Variants in SYNE1 observed in about 807,000 individuals in gnomAD.
SYNE1 encodes the protein spectrin repeat containing nuclear envelope protein 1.
A neutral mutation model predicts 1,111.0 loss-of-function variants in SYNE1; 616 were observed. The ratio of observed to expected loss-of-function variants is 0.55; its 90% CI spans 0.52 to 0.59. The LOEUF (loss-of-function observed/expected upper bound fraction) is 0.59. Among genes scored for constraint, SYNE1 ranks in the 20% least tolerant of loss-of-function variants. The probability of loss-of-function intolerance (pLI) is 0.00; values close to 1 mark genes in which losing one functional copy is unlikely to be tolerated. For missense variants in SYNE1, 10,006 were observed against 10,417.0 expected (o/e 0.96, Z 1.72); for synonymous variants, 3,855 against 3,825.8 (o/e 1.01, Z -0.28).
At chr6:152,629,282 G>C (rs1419835403) in intron 2 of SYNE1, among the ~76,000 whole-genome samples, 1 of 151,938 alleles carries the variant, frequency 6.6e-6, no homozygotes, top group African/African-American at 2.4e-5. Context: ...CGTGATCTCA[G>C]CAAGCTCCAC....
intron 3 of SYNE1, among the ~76,000 whole-genome samples, chr6:152,616,520 G>A (rs867845143): frequency 1.3e-5 from 2 of 152,240 alleles, no homozygotes; most frequent in African/African-American, 4.8e-5. Flanking sequence ...AGGCTGCAGT[G>A]AGCTGTGATT....
chr6:152,619,046 T>TCTCACACA lies in SYNE1; in HGVS notation c.67+9218_67+9219insTGTGTGAG, dbSNP rs369313606. 6.0e-3 allele frequency among the ~76,000 whole-genome samples: 808 copies of TCTCACACA among 135,776 alleles called. 4 individuals are homozygous for TCTCACACA. Among genetic ancestry groups the TCTCACACA allele is most frequent in the East Asian group, 0.015 (68 of 4,420 alleles). The allele number at this position is 135,776 out of a possible 152,430, so 89.1% of individuals were successfully genotyped here. A position where few individuals can be genotyped will look rare whatever the true frequency, so the allele number is the denominator to read the frequency against. ...GAAACTAGGTATTTAGGTGTGAGAA[T>TCTCACACA]CACACACACACACACACACACACAC... On this transcript the variant is annotated intron_variant, in intron 3 of 145. Coordinates refer to ENST00000367255, the MANE Select transcript of SYNE1 (RefSeq NM_182961.4).
chr6:152,418,003 T>C (rs1401108551), intron 40 of SYNE1, among the ~76,000 whole-genome samples: 4 of 152,212 alleles, frequency 2.6e-5, no homozygotes, highest in African/African-American at 9.6e-5. Flanking sequence ...AGCAGAAAAT[T>C]GGCAACATTC....
rs58905396 is a variant in SYNE1 at position 152,390,294 on chromosome 6, G to T, written c.8163C>A (p.Ser2721=). 6.2e-7 allele frequency: 1 copy of T among 1,613,910 alleles called. No individual in the cohort carries two copies. The highest frequency in any genetic ancestry group is 1.3e-5 in the African/African-American group (1 of 74,964). The change falls in exon 53 of 146, where the codon TCC becomes TCA. Residue 2721 remains serine, a synonymous_variant. Transcript: ENST00000367255. The stretch of plus-strand genomic sequence containing the variant: ...AGGTTCTGTACCTTTGAGCGTGGAC[G>T]GAGGAGCTCATGATGTCAGCCCACA... The part of the protein sequence containing the change: ...KEVWADIMSS[S]VHAQSTLESV...
At chr6:152,262,357 A>G (rs1458943802) in intron 100 of SYNE1, among the ~76,000 whole-genome samples, 169 bp from the exon 101 acceptor site, 1 of 152,240 alleles carries the variant, frequency 6.6e-6, no homozygotes, top group East Asian at 1.9e-4. Context: ...TAAAGCAACT[A>G]TATTCCTACT....
At chr6:152,343,968 C>A in intron 74 of SYNE1, 113 bp downstream of exon 74, 3 of 1,477,586 alleles carry the variant, frequency 2.0e-6, no homozygotes, top group Non-Finnish European at 2.8e-6. Flanking sequence ...CTTCTTCCTA[C>A]TTTTAGATTC....
rs751191478 is a variant in SYNE1 at position 152,354,876 on chromosome 6, C to G, written c.10709G>C (p.Arg3570Pro). The G allele has an allele frequency of 2.5e-6, 4 of 1,614,032 alleles. No individual in the cohort carries two copies. The highest frequency in any genetic ancestry group is 3.4e-6 in the Non-Finnish European group (4 of 1,180,042). ...GTCTTGCCGGAGAGACTCTAAAGCCCGGTCCTCTGCCTGTGGGATACCTGA... is the reference window on the plus strand; with the variant it reads ...GTCTTGCCGGAGAGACTCTAAAGCCGGGTCCTCTGCCTGTGGGATACCTGA... ...IPSGIPQAEDRALESLRQDWQ... is the reference protein window; with the variant it reads ...IPSGIPQAEDPALESLRQDWQ... The change falls in exon 67 of 146, where the codon CGG (arginine) becomes CCG (proline). Residue 3570 changes from arginine to proline, a missense_variant. Coordinates refer to ENST00000367255, the MANE Select transcript of SYNE1 (RefSeq NM_182961.4).
chr6:152,461,518 T>C, intron 21 of SYNE1, 79 bp downstream of exon 21: 2 of 1,562,714 alleles, frequency 1.3e-6, no homozygotes, highest in East Asian at 2.2e-5. Context: ...ACTTTGCCCA[T>C]GGGGAGAAGG....
chr6:152,449,699 A>G (rs2098631261), intron 27 of SYNE1, 58 bp from the exon 28 acceptor site: 1 of 1,315,038 alleles, frequency 7.6e-7, no homozygotes, highest in Non-Finnish European at 1.1e-6. Context: ...TGATCAGAAT[A>G]TGTTTTCTAT....
chr6:152,345,752 G>A (rs767554243), intron 73 of SYNE1, among the ~76,000 whole-genome samples: 23 of 152,072 alleles, frequency 1.5e-4, no homozygotes, highest in Non-Finnish European at 2.6e-4. Context: ...ACTCTTTTTA[G>A]TGTCATTTAA....
At chr6:152,156,205 T>A in intron 131 of SYNE1, 108 bp from the exon 132 acceptor site, 1 of 1,167,128 alleles carries the variant, frequency 8.6e-7, no homozygotes, top group Non-Finnish European at 1.3e-6. Flanking sequence ...GACAAATATT[T>A]AATTTCCTTG....
rs763255748 is a variant in SYNE1 at position 152,451,187 on chromosome 6, G to A, written c.3046C>T (p.Pro1016Ser). 3.1e-6 allele frequency: 5 copies of A among 1,613,948 alleles called. No individual in the cohort carries two copies. The East Asian group carries it at 8.9e-5, about 29-fold the overall frequency. The change falls in exon 26 of 146, where the codon CCT becomes TCT. Residue 1016 changes from proline to serine, a missense_variant. Around this residue, in one of 7 missense-constraint regions of SYNE1, gnomAD observed 1,971 missense variants for 2,084.1 expected, o/e 0.95. Coordinates refer to ENST00000367255, the MANE Select transcript of SYNE1 (RefSeq NM_182961.4). ...KQWKDLQGEA[P>S]YHLLHLKIDV... is the part of the protein sequence containing the mutation. ...ATCTTCAGATGAAGCAAATGATAAG[G>A]GGCTTCTCCTTGAAGATCCTACATT... is the stretch of plus-strand genomic sequence containing the variant.
Position 152,352,323 on chromosome 6 carries a change from T to G in SYNE1, c.11284A>C (p.Ser3762Arg), listed in dbSNP as rs953580081. 5 of 1,614,148 alleles carry G rather than the reference T, an allele frequency of 3.1e-6. No homozygotes were observed. The highest frequency in any genetic ancestry group is 1.7e-6 in the Non-Finnish European group (2 of 1,180,010). Residue 3762 changes from serine (S) to arginine (R), a missense_variant, in exon 70 of 146, where the codon AGT (serine) becomes CGT (arginine). This residue lies in a region of SYNE1 where 4,955 missense variants were observed against 5,017.2 expected (regional missense o/e 0.99). Transcript: ENST00000367255. ...TTCTCCCGGGCTGATTTCAGCAAAC[T>G]GTGACCTTTCTCCATGTCTTTGAGC... is the stretch of plus-strand genomic sequence containing the variant. ...VLLKDMEKGH[S>R]LLKSAREKGE...
Position 152,453,689 on chromosome 6 carries a change from A to G in SYNE1, c.2924T>C (p.Leu975Pro). The part of the protein sequence containing the change: ...EFFSQLDQRV[L>P]NAFLKACDEL... ...ATCACAAGCTTTCAGGAAAGCATTG[A>G]GCACCCTCTGATCCAGCTGACTGAA... The change falls in exon 25 of 146, where the codon CTC (leucine) becomes CCC (proline). Residue 975 changes from leucine to proline, a missense_variant. This residue lies in a region of SYNE1 where 1,971 missense variants were observed against 2,084.1 expected (regional missense o/e 0.95). Transcript: ENST00000367255. 1.2e-6 allele frequency: 2 copies of G among 1,614,170 alleles called. No individual in the cohort carries two copies. The highest frequency in any genetic ancestry group is 1.3e-5 in the African/African-American group (1 of 75,044).
In SYNE1 at chr6:152,224,573, T is replaced by G. The variant is rs1485439003; in HGVS notation, c.21443A>C (p.Glu7148Ala). ...AFDKINSYLM[E>A]ARYSLSRFRL... ...GAATCGGGAAAGAGAGTATCTGGCCTCCATGAGGTAACTGTTTATCTTGTC... is the reference window on the plus strand; with the variant it reads ...GAATCGGGAAAGAGAGTATCTGGCCGCCATGAGGTAACTGTTTATCTTGTC... The change falls in exon 117 of 146, where the codon GAG (glutamate) becomes GCG (alanine). Residue 7148 changes from glutamate (E) to alanine (A), a missense_variant. Coordinates refer to ENST00000367255, the MANE Select transcript of SYNE1 (RefSeq NM_182961.4). 6.2e-7 allele frequency: 1 copy of G among 1,614,030 alleles called. No homozygotes were observed. Among genetic ancestry groups the G allele is most frequent in the South Asian group, 1.1e-5 (1 of 91,080 alleles).
At chr6:152,149,354 G>A in intron 136 of SYNE1, 123 bp downstream of exon 136, 1 of 1,149,820 alleles carries the variant, frequency 8.7e-7, no homozygotes, top group Non-Finnish European at 1.3e-6. Context: ...GACAAAGCTA[G>A]GACTTGAACT....
Position 152,256,491 on chromosome 6 carries a change from GAT to G in SYNE1, c.19104+141_19104+142del. ...ATAGGATGGGACTCCAGGGTCCAGTGATCTTTGTTTCAGCGCTTATCACTAGT... is the reference window on the plus strand; with the variant it reads ...ATAGGATGGGACTCCAGGGTCCAGTGCTTTGTTTCAGCGCTTATCACTAGT... On this transcript the variant is annotated intron_variant, in intron 102 of 145. Coordinates refer to ENST00000367255, the MANE Select transcript of SYNE1 (RefSeq NM_182961.4). 3.3e-6 allele frequency: 3 copies of G among 898,184 alleles called. 1 individual carries two copies. The South Asian group carries it at 4.2e-5, about 13-fold the overall frequency. 55.6% of individuals were successfully genotyped at this position (898,184 alleles called of 1,614,324 possible).
Position 152,148,313 on chromosome 6 carries a change from C to T in SYNE1, c.24708G>A (p.Ser8236=), listed in dbSNP as rs769081425. The change falls in exon 137 of 146, where the codon TCG becomes TCA. Residue 8236 remains serine (S), a synonymous_variant. Coordinates refer to ENST00000367255, the MANE Select transcript of SYNE1 (RefSeq NM_182961.4). The surrounding 1 kb of genome is among the most constrained non-coding windows in gnomAD (Gnocchi z 4.1). ...CAGAGCGGTCGTGCCAGTGCAGGTC[C>T]GACAGAGCTGCAGAGTCTTCCAGCT... ...ELELEDSAAL[S]DLHWHDRSAD... 32 of 1,613,900 alleles carry T rather than the reference C, an allele frequency of 2.0e-5. 1 individual carries two copies. Among genetic ancestry groups the T allele is most frequent in the Admixed American group, 1.0e-4 (6 of 60,008 alleles).
chr6:152,315,976 TAA>T (rs566040089), intron 87 of SYNE1: 18 of 152,254 alleles, frequency 1.2e-4, no homozygotes, highest in Non-Finnish European at 2.1e-4. Context: ...ATAAATAATA[TAA>T]GAGACAAAAA....
Sources: gnomAD v4.1 joint callset for allele counts (sites outside exome capture counted in the v4.1 genomes callset) on GRCh38, gnomAD v4.1.1 for gene constraint, gnomAD v4.1.1 regional missense constraint, Gnocchi (gnomAD v3.1) non-coding constraint, MANE v1.5 for transcripts, NCBI Gene and HGNC (gene_info 2026-07-23, HGNC 2026-07-21) for gene names.